Variants in KHDRBS2 observed in about 807,000 individuals in gnomAD.
KHDRBS2 encodes the protein KH RNA binding domain containing, signal transduction associated 2.
KHDRBS2 carries 26 observed loss-of-function variants against 44.3 expected under a neutral mutation model. The observed-to-expected ratio is 0.59, with a 90% confidence interval of 0.43 to 0.81. KHDRBS2 has a LOEUF of 0.81. KHDRBS2 is among the 40% of genes least tolerant of loss of function. The probability of loss-of-function intolerance (pLI) is 0.00; values close to 1 mark genes in which losing one functional copy is unlikely to be tolerated. For synonymous variants in KHDRBS2, 194 were observed against 151.1 expected, an observed-to-expected ratio of 1.28 and a Z score of -2.08; for missense variants, 476 against 433.1, an observed-to-expected ratio of 1.10 and a Z score of -0.88.
chr6:62,151,980 T>G (rs1378639378), intron 2 of KHDRBS2, among the ~76,000 whole-genome samples: 1 of 152,150 alleles, frequency 6.6e-6, no homozygotes, highest in Non-Finnish European at 1.5e-5. Flanking sequence ...ATGGGCAATA[T>G]TTTATTTCTC....
chr6:61,758,508 A>C (rs1778834447), intron 6 of KHDRBS2, among the ~76,000 whole-genome samples: 1 of 151,954 alleles, frequency 6.6e-6, no homozygotes, highest in Non-Finnish European at 1.5e-5. Flanking sequence ...TACTTAGTAA[A>C]TGTTTGTGGA....
rs200785152 is a variant in KHDRBS2, at chr6:61,884,131, T to C, written c.810+10504A>G. Among the ~76,000 whole-genome samples the C allele has an allele frequency of 4.9e-4, 75 of 152,222 alleles. 1 individual carries two copies. In the East Asian group the frequency reaches 0.011, roughly 22 times the overall value. The stretch of plus-strand genomic sequence containing the variant: ...AGGGTTGGCAGCCTGAACTCATTTA[T>C]GGAACTTTTAAGGACTATTGATTTA... On this transcript the variant is annotated intron_variant, in intron 6 of 8. Coordinates refer to ENST00000281156, the MANE Select transcript of KHDRBS2 (RefSeq NM_152688.4).
At chr6:61,661,235 G>A in the KHDRBS2 span, 1 of 151,778 alleles carries the variant, frequency 6.6e-6, no homozygotes, top group East Asian at 1.9e-4. Flanking sequence ...TACCTGTCTT[G>A]TAAGCAGAGT....
chr6:61,992,260 T>C (rs908647844), intron 3 of KHDRBS2, among the ~76,000 whole-genome samples: 2 of 152,188 alleles, frequency 1.3e-5, no homozygotes, highest in African/African-American at 4.8e-5. Flanking sequence ...AATTTGACAC[T>C]GGTTTAGCTT....
At chr6:61,753,755 G>A (rs1455589528) in intron 6 of KHDRBS2, among the ~76,000 whole-genome samples, 8 of 152,074 alleles carry the variant, frequency 5.3e-5, no homozygotes, top group Non-Finnish European at 8.8e-5. Flanking sequence ...GGCATGAATG[G>A]TTATGTCCAC....
intron 2 of KHDRBS2, among the ~76,000 whole-genome samples, chr6:62,095,990 T>C (rs1584667712): frequency 1.3e-5 from 2 of 152,148 alleles, no homozygotes; most frequent in South Asian, 4.1e-4. Context: ...ATAATTTATG[T>C]TCTTCATTCT....
chr6:61,917,956 G>C (rs1807324224), intron 4 of KHDRBS2, among the ~76,000 whole-genome samples: 1 of 151,958 alleles, frequency 6.6e-6, no homozygotes, highest in Non-Finnish European at 1.5e-5. Flanking sequence ...TTTAGGGATA[G>C]GAAGATATTG....
intron 5 of KHDRBS2, among the ~76,000 whole-genome samples, chr6:61,900,430 GA>G (rs1207048659): frequency 3.9e-5 from 6 of 152,084 alleles, no homozygotes; most frequent in African/African-American, 9.7e-5. Flanking sequence ...ACAAGATGAA[GA>G]GAATGATTAA....
intron 3 of KHDRBS2, among the ~76,000 whole-genome samples, chr6:62,008,083 A>T (rs371963806): frequency 6.6e-6 from 1 of 152,214 alleles, no homozygotes; most frequent in East Asian, 1.9e-4. Flanking sequence ...AAAAGGTAAC[A>T]TATTCCTGAT....
intron 1 of KHDRBS2, among the ~76,000 whole-genome samples, chr6:62,205,690 C>T (rs188303488): frequency 1.3e-5 from 2 of 152,166 alleles, no homozygotes; most frequent in Admixed American, 1.3e-4. Flanking sequence ...AAAAATAAGA[C>T]AGGATGAAGA....
At chr6:61,861,083 G>C (rs372252099) in intron 6 of KHDRBS2, among the ~76,000 whole-genome samples, 2 of 151,898 alleles carry the variant, frequency 1.3e-5, no homozygotes, top group East Asian at 3.9e-4. Flanking sequence ...TTTTAAATTA[G>C]TTTGAGTTCC....
At chr6:61,994,127 A>C (rs1233851733) in intron 3 of KHDRBS2, among the ~76,000 whole-genome samples, 1 of 152,148 alleles carries the variant, frequency 6.6e-6, no homozygotes, top group Non-Finnish European at 1.5e-5. Flanking sequence ...TTAGTGAGCT[A>C]AATTTAAGGT....
intron 1 of KHDRBS2, among the ~76,000 whole-genome samples, chr6:62,212,647 G>C (rs963877268): frequency 6.6e-6 from 1 of 152,114 alleles, no homozygotes; most frequent in Non-Finnish European, 1.5e-5. Context: ...GAAGACAGAG[G>C]ATTAGAATGA....
intron 6 of KHDRBS2, among the ~76,000 whole-genome samples, chr6:61,891,006 G>C (rs1562378605): frequency 6.6e-6 from 1 of 152,142 alleles, no homozygotes; most frequent in Admixed American, 6.5e-5. Flanking sequence ...CTTAGGATTA[G>C]CTATAAACTA....
chr6:62,160,543 T>C (rs577912488), intron 2 of KHDRBS2, among the ~76,000 whole-genome samples: 139 of 152,228 alleles, frequency 9.1e-4, no homozygotes, highest in Non-Finnish European at 1.7e-3. Context: ...TTACTTTGAG[T>C]AAAATGGAGG....
intron 2 of KHDRBS2, among the ~76,000 whole-genome samples, chr6:62,050,403 T>C (rs1045596790): frequency 1.4e-5 from 2 of 147,256 alleles, no homozygotes; most frequent in African/African-American, 5.0e-5. Flanking sequence ...CTGCACATTC[T>C]GCACATGTAT....
intron 4 of KHDRBS2, among the ~76,000 whole-genome samples, chr6:61,945,109 A>ATATATATGTGT (rs1256689275): frequency 2.7e-5 from 1 of 36,578 alleles, no homozygotes; most frequent in Non-Finnish European, 5.1e-5. Context: ...AAAAAAAAAA[A>ATATATATGTGT]AAAGTATATA....
chr6:62,170,799 G>A (rs1819833273), intron 2 of KHDRBS2, among the ~76,000 whole-genome samples: 1 of 152,018 alleles, frequency 6.6e-6, no homozygotes, highest in African/African-American at 2.4e-5. Context: ...CAAAGATGGG[G>A]ACCTGGGTAC....
the KHDRBS2 span, among the ~76,000 whole-genome samples, chr6:61,614,905 A>G: frequency 6.6e-6 from 1 of 152,096 alleles, no homozygotes; most frequent in Non-Finnish European, 1.5e-5. Context: ...AAAAATCATC[A>G]TAATATATTT....
Sources: gnomAD v4.1 joint callset for allele counts (sites outside exome capture counted in the v4.1 genomes callset) on GRCh38, gnomAD v4.1.1 for gene constraint, MANE v1.5 for transcripts, NCBI Gene and HGNC (gene_info 2026-07-23, HGNC 2026-07-21) for gene names.